The following XKR4 variants were observed in gnomAD, a reference collection of about 807,000 sequenced individuals.
XKR4 encodes XK related 4.
Under a neutral mutation model 53.9 loss-of-function variants are expected in XKR4, and 12 were observed. The observed-to-expected ratio is 0.22, with a 90% CI of 0.14 to 0.36. The LOEUF is 0.36. XKR4 is among the 10% of genes least tolerant of loss of function. XKR4 has a pLI of 1.00. For synonymous variants in XKR4, 354 were observed against 362.4 expected, an observed-to-expected ratio of 0.98 and a Z score of 0.26; for missense variants, 799 against 859.5, an observed-to-expected ratio of 0.93 and a Z score of 0.88.
chr8:55,346,698 T>TG (rs1803649560), intron 1 of XKR4, among the ~76,000 whole-genome samples: 1 of 148,164 alleles, frequency 6.7e-6, no homozygotes, highest in Non-Finnish European at 1.5e-5. Context: ...TGTGTGTGTG[T>TG]GTGTGTGTGT....
chr8:55,195,102 A>G (rs1817487120), intron 1 of XKR4, among the ~76,000 whole-genome samples: 1 of 152,198 alleles, frequency 6.6e-6, no homozygotes, highest in Non-Finnish European at 1.5e-5. Flanking sequence ...GAGGGAAGAA[A>G]TAGAGTCGAT....
At chr8:55,252,434 C>G (rs1818374202) in intron 1 of XKR4, among the ~76,000 whole-genome samples, 1 of 152,158 alleles carries the variant, frequency 6.6e-6, no homozygotes, top group Non-Finnish European at 1.5e-5. Flanking sequence ...TGACTGCCTG[C>G]TCTTGGAACA....
At chr8:55,362,914 C>T (rs761229260) in intron 2 of XKR4, among the ~76,000 whole-genome samples, 2 of 152,176 alleles carry the variant, frequency 1.3e-5, no homozygotes, top group South Asian at 2.1e-4. Flanking sequence ...CGGCACATAG[C>T]GGATGCTCTC....
chr8:55,419,571 T>A (rs1359239573), intron 2 of XKR4, among the ~76,000 whole-genome samples: 1 of 152,214 alleles, frequency 6.6e-6, no homozygotes, highest in East Asian at 1.9e-4. Flanking sequence ...AATTGAACTA[T>A]CTCCCTGAGG....
At chr8:55,484,773 A>G (rs1806168032) in intron 2 of XKR4, among the ~76,000 whole-genome samples, 1 of 152,232 alleles carries the variant, frequency 6.6e-6, no homozygotes, top group African/African-American at 2.4e-5. Flanking sequence ...AATAGAAAAG[A>G]AAGATTAAGT....
chr8:55,142,808 C>T (rs754631173), intron 1 of XKR4, among the ~76,000 whole-genome samples: 4 of 152,170 alleles, frequency 2.6e-5, no homozygotes, highest in Non-Finnish European at 5.9e-5. Flanking sequence ...GTGTAACATA[C>T]GTGCACAAAC....
At chr8:55,450,606 G>A (rs1343284021) in intron 2 of XKR4, 1 of 715,768 alleles carries the variant, frequency 1.4e-6, no homozygotes, top group Admixed American at 1.9e-5. Context: ...AACTCCATGG[G>A]GAACTGCAGG....
intron 1 of XKR4, chr8:55,164,325 G>C (rs933475685): frequency 2.2e-6 from 1 of 455,070 alleles, no homozygotes; most frequent in African/African-American, 2.0e-5. Context: ...TTGCTATTTG[G>C]AGGGTGAGAT....
intron 2 of XKR4, chr8:55,453,841 G>A: frequency 7.8e-6 from 4 of 511,132 alleles, no homozygotes; most frequent in South Asian, 6.6e-5. Flanking sequence ...CCACATCGTG[G>A]GCCACCAGCT....
chr8:55,503,955 A>T (rs1308134214), intron 2 of XKR4, among the ~76,000 whole-genome samples: 1 of 152,052 alleles, frequency 6.6e-6, no homozygotes, highest in Non-Finnish European at 1.5e-5. Flanking sequence ...ATCTATTGAG[A>T]TGATAATGTG....
chr8:55,389,011 G>A (rs1804395899), intron 2 of XKR4, among the ~76,000 whole-genome samples: 1 of 152,170 alleles, frequency 6.6e-6, no homozygotes, highest in Non-Finnish European at 1.5e-5. Flanking sequence ...CAGGGTGGGG[G>A]ATCATAATTT....
chr8:55,485,401 G>A (rs936370821), intron 2 of XKR4, among the ~76,000 whole-genome samples: 1 of 152,090 alleles, frequency 6.6e-6, no homozygotes, highest in Non-Finnish European at 1.5e-5. Context: ...GAACTAAAAA[G>A]TTCAGCAAGC....
At position 55,491,025 on chromosome 8, in the gene XKR4, C is replaced by G. The variant is rs141313789; in HGVS notation, c.1007-32256C>G. ...CTGAGGCTCAGATGGGTTTTTCCAG[C>G]CTTTTTCTCTCTGTGCTTCAGTCTA... is the stretch of plus-strand genomic sequence containing the variant. On this transcript the variant is annotated intron_variant, in intron 2 of 2. Coordinates refer to ENST00000327381, the MANE Select transcript of XKR4 (RefSeq NM_052898.2). Among the ~76,000 whole-genome samples the G allele has an allele frequency of 2.7e-3, 408 of 152,088 alleles. 1 individual carries two copies. The highest frequency in any genetic ancestry group is 9.4e-3 in the African/African-American group (389 of 41,514).
At chr8:55,127,291 C>G (rs866309949) in intron 1 of XKR4, among the ~76,000 whole-genome samples, 1 of 148,946 alleles carries the variant, frequency 6.7e-6, no homozygotes, top group South Asian at 2.1e-4. Flanking sequence ...CTCACTCTGT[C>G]GGCCAGACTG....
intron 2 of XKR4, among the ~76,000 whole-genome samples, chr8:55,458,385 G>T (rs1261188129): frequency 2.0e-5 from 3 of 152,132 alleles, no homozygotes; most frequent in Non-Finnish European, 4.4e-5. Flanking sequence ...AACTCCATAT[G>T]GTCCCGTGGC....
chr8:55,309,015 G>T (rs1193128257), intron 1 of XKR4, among the ~76,000 whole-genome samples: 4 of 152,206 alleles, frequency 2.6e-5, no homozygotes, highest in Admixed American at 2.6e-4. Context: ...GAGGGAGGAA[G>T]AGGCCATAAG....
At chr8:55,244,430 G>A (rs1818254636) in intron 1 of XKR4, among the ~76,000 whole-genome samples, 1 of 152,178 alleles carries the variant, frequency 6.6e-6, no homozygotes, top group South Asian at 2.1e-4. Flanking sequence ...GCATTCCATG[G>A]TGTATATGTA....
intron 2 of XKR4, among the ~76,000 whole-genome samples, chr8:55,407,194 C>T (rs987477763): frequency 2.6e-5 from 4 of 152,022 alleles, no homozygotes; most frequent in Non-Finnish European, 4.4e-5. Context: ...GGCAGCCTCC[C>T]GACACAGGCC....
intron 2 of XKR4, chr8:55,450,480 C>T (rs1805421135): frequency 1.6e-6 from 1 of 613,692 alleles, no homozygotes; most frequent in Admixed American, 2.2e-5. Context: ...TGCCCCTTCT[C>T]CTCGTACAGC....
Sources: allele counts gnomAD v4.1 joint callset (sites outside exome capture counted in the v4.1 genomes callset), GRCh38; gene constraint gnomAD v4.1.1; transcripts MANE v1.5; gene names NCBI Gene and HGNC (gene_info 2026-07-23, HGNC 2026-07-21).